GSK3A: variants seen among roughly 807,000 people sequenced by gnomAD.
GSK3A encodes the protein glycogen synthase kinase 3 alpha.
A neutral mutation model predicts 56.6 loss-of-function variants in GSK3A; 14 were observed. The ratio of observed to expected loss-of-function variants is 0.25; its 90% CI spans 0.16 to 0.39. The LOEUF is 0.39. Ranked by LOEUF, GSK3A falls within the 10% of genes least tolerant of loss-of-function variation. The probability of loss-of-function intolerance (pLI) is 1.00; values close to 1 mark genes in which losing one functional copy is unlikely to be tolerated. For missense variants in GSK3A, 450 were observed against 656.0 expected (o/e 0.69, Z 3.43); for synonymous variants, 301 against 285.0 (o/e 1.06, Z -0.56).
In GSK3A at chr19:42,234,213, G is replaced by C. The variant is rs149562301; in HGVS notation, c.904+140C>G. The C allele has an allele frequency of 4.4e-6, 3 of 674,830 alleles. No homozygotes were observed. Among genetic ancestry groups the C allele is most frequent in the Non-Finnish European group, 8.0e-6 (3 of 373,488 alleles). 41.8% of individuals were successfully genotyped at this position (674,830 alleles called of 1,614,324 possible). On this transcript the variant is annotated intron_variant, in intron 6 of 10. Coordinates refer to ENST00000222330, the MANE Select transcript of GSK3A (RefSeq NM_019884.3). The surrounding 1 kb of genome is among the most constrained non-coding windows in gnomAD (Gnocchi z 5.7). ...TCATCTGTAAAATTAGCATTCAACA[G>C]CATCAGCCTCCTAAGTTTGTGAGGA...
At chr19:42,242,095 T>C (rs1599814553) in intron 1 of GSK3A, 88 bp downstream of exon 1, 1 of 1,175,998 alleles carries the variant, frequency 8.5e-7, no homozygotes, top group Non-Finnish European at 1.1e-6. Context: ...CTCGAGCTCC[T>C]ATCTAAGCAC....
chr19:42,242,088 G>A (rs1433623019), intron 1 of GSK3A, 95 bp downstream of exon 1: 1 of 1,118,440 alleles, frequency 8.9e-7, no homozygotes, highest in Non-Finnish European at 1.1e-6. Flanking sequence ...CAGTGACCTC[G>A]AGCTCCTATC....
In GSK3A at chr19:42,234,311, C is replaced by T. The variant is rs369723953; in HGVS notation, c.904+42G>A. ...CAGCACACAGAAAACTCCAAAACTT[C>T]CCAGATTGCCACTCCCCCCGCCACC... On this transcript the variant is annotated intron_variant, in intron 6 of 10. Transcript: ENST00000222330. This position sits in a 1 kb window ranked among gnomAD's most constrained non-coding sequence, Gnocchi z 5.7. 3.1e-5 allele frequency: 45 copies of T among 1,461,650 alleles called. No homozygotes were observed. In the African/African-American group the frequency reaches 4.4e-4, roughly 14 times the overall value. 90.5% of individuals were successfully genotyped at this position (1,461,650 alleles called of 1,614,324 possible).
At position 42,234,520 on chromosome 19, in the gene GSK3A, T is replaced by G; in HGVS notation, c.797+28A>C. The G allele has an allele frequency of 6.2e-7, 1 of 1,612,392 alleles. No homozygotes were observed. Among genetic ancestry groups the G allele is most frequent in the Non-Finnish European group, 8.5e-7 (1 of 1,178,534 alleles). On this transcript the variant is annotated intron_variant, in intron 5 of 10. Coordinates refer to ENST00000222330, the MANE Select transcript of GSK3A (RefSeq NM_019884.3). The surrounding 1 kb of genome is among the most constrained non-coding windows in gnomAD (Gnocchi z 5.7). Reference sequence around the variant, plus strand: ...AAGGGTTGGGGTCCCCCCTGCCTCTTCAGCCACCCAACATGCCCCAGGCCC... The same window carrying G: ...AAGGGTTGGGGTCCCCCCTGCCTCTGCAGCCACCCAACATGCCCCAGGCCC...
In GSK3A at chr19:42,234,668, T is replaced by C; in HGVS notation, c.677A>G (p.Tyr226Cys). ...GTAGGCCAAGCTGCGGAAGAGCTGG[T>C]ACATGTACACCTGCGGCGGGCACAG... ...IPILYVKVYMYQLFRSLAYIH... is the reference protein window; with the variant it reads ...IPILYVKVYMCQLFRSLAYIH... Residue 226 changes from tyrosine to cysteine, a missense_variant, in exon 5 of 11, where the codon TAC becomes TGC. Transcript: ENST00000222330. The surrounding 1 kb of genome is among the most constrained non-coding windows in gnomAD (Gnocchi z 5.7). 6.2e-7 allele frequency: 1 copy of C among 1,604,526 alleles called. No homozygotes were observed.
In GSK3A at chr19:42,230,937, T is replaced by C. The variant is rs1460483678; in HGVS notation, c.1379-70A>G. On this transcript the variant is annotated intron_variant, in intron 10 of 10. Transcript: ENST00000222330. ...GACACCCCTTCGCCCAACCCAAAAG[T>C]AGGAATTCTCTTGTCATAGATGCTA... 5 of 991,788 alleles carry C rather than the reference T, an allele frequency of 5.0e-6. No individual in the cohort carries two copies. The African/African-American group carries it at 6.4e-5, about 13-fold the overall frequency. The allele number at this position is 991,788 out of a possible 1,614,324, so 61.4% of individuals were successfully genotyped here.
In GSK3A at chr19:42,230,652, T is replaced by G; in HGVS notation, c.*142A>C. On this transcript the variant is annotated 3_prime_UTR_variant, in exon 11 of 11. Transcript: ENST00000222330. ...GGGGTGAGGCTGGTGAGGGAGGGAC[T>G]GGAGGTGGGGACAGGGACTCATTTA... The G allele has an allele frequency of 6.0e-6, 4 of 665,110 alleles. No homozygotes were observed. Among genetic ancestry groups the G allele is most frequent in the Non-Finnish European group, 5.5e-6 (2 of 362,836 alleles). The allele number at this position is 665,110 out of a possible 1,614,324, so 41.2% of individuals were successfully genotyped here. A position where few individuals can be genotyped will look rare whatever the true frequency, so the allele number is the denominator to read the frequency against.
chr19:42,234,241 G>T lies in GSK3A; in HGVS notation c.904+112C>A. 1 of 787,288 alleles carries T rather than the reference G, an allele frequency of 1.3e-6. No individual in the cohort carries two copies. Among genetic ancestry groups the T allele is most frequent in the East Asian group, 2.5e-5 (1 of 39,878 alleles). 48.8% of individuals were successfully genotyped at this position (787,288 alleles called of 1,614,324 possible). On this transcript the variant is annotated intron_variant, in intron 6 of 10. Coordinates refer to ENST00000222330, the MANE Select transcript of GSK3A (RefSeq NM_019884.3). This position sits in a 1 kb window ranked among gnomAD's most constrained non-coding sequence, Gnocchi z 5.7. ...TCAGCCTCCTAAGTTTGTGAGGACT[G>T]GATACAAGAACAGAAGTTAAGCTTT...
chr19:42,231,719 G>C (rs1466382583), intron 10 of GSK3A, among the ~76,000 whole-genome samples: 8 of 151,090 alleles, frequency 5.3e-5, no homozygotes, highest in Admixed American at 1.3e-4. Flanking sequence ...ATTGCAGTGA[G>C]CCGAGATCGA....
At chr19:42,233,798 C>T (rs1056229393) in intron 6 of GSK3A, among the ~76,000 whole-genome samples, 1 of 152,154 alleles carries the variant, frequency 6.6e-6, no homozygotes, top group Non-Finnish European at 1.5e-5. Context: ...GGCAGTCTCA[C>T]CCCTCCCTGC....
intron 2 of GSK3A, 48 bp from the exon 3 acceptor site, chr19:42,236,989 G>A: frequency 7.7e-7 from 1 of 1,291,986 alleles, no homozygotes; most frequent in East Asian, 2.3e-5. Flanking sequence ...TCTCTCGGCT[G>A]CTCCTCCCTA....
rs769579300 is a variant in GSK3A, at chr19:42,234,760, C to T, written c.667-82G>A. ...TACCCCACCAGCTTGGCCTGAAGAG[C>T]CCTTCCAGGCCCACTCTCCCTGCTG... On this transcript the variant is annotated intron_variant, in intron 4 of 10. Coordinates refer to ENST00000222330, the MANE Select transcript of GSK3A (RefSeq NM_019884.3). This position sits in a 1 kb window ranked among gnomAD's most constrained non-coding sequence, Gnocchi z 5.7. The T allele has an allele frequency of 1.1e-4, 152 of 1,360,604 alleles. No homozygotes were observed. The highest frequency in any genetic ancestry group is 1.5e-4 in the Non-Finnish European group (149 of 1,023,952). 84.3% of individuals were successfully genotyped at this position (1,360,604 alleles called of 1,614,324 possible). A position where few individuals can be genotyped will look rare whatever the true frequency, so the allele number is the denominator to read the frequency against.
intron 9 of GSK3A, 37 bp from the exon 10 acceptor site, chr19:42,232,186 T>G: frequency 7.6e-7 from 1 of 1,311,660 alleles, no homozygotes; most frequent in Non-Finnish European, 1.1e-6. Flanking sequence ...CAGGGTAGAC[T>G]ACAGCAGGGT....
rs2146941249 is a variant in GSK3A, at chr19:42,242,287, A to G, written c.179T>C (p.Val60Ala). 2 of 1,436,604 alleles carry G rather than the reference A, an allele frequency of 1.4e-6. No individual in the cohort carries two copies. The highest frequency in any genetic ancestry group is 5.5e-5 in the Admixed American group (2 of 36,118). 89.0% of individuals were successfully genotyped at this position (1,436,604 alleles called of 1,614,324 possible). The part of the protein sequence containing the change: ...KASVGAMGGG[V>A]GASSSGGGPG... ...TCCACCCCCGGAGCTCGAGGCCCCGACGCCCCCACCCATGGCCCCGACAGA... is the reference window on the plus strand; with the variant it reads ...TCCACCCCCGGAGCTCGAGGCCCCGGCGCCCCCACCCATGGCCCCGACAGA... Residue 60 changes from valine (V) to alanine (A), a missense_variant, in exon 1 of 11, where the codon GTC becomes GCC. This residue lies in a region of GSK3A where 193 missense variants were observed against 200.5 expected (regional missense o/e 0.96). Transcript: ENST00000222330.
Position 42,232,166 on chromosome 19 carries a change from A to T in GSK3A, c.1286-17T>A. On this transcript the variant is annotated splice_polypyrimidine_tract_variant and intron_variant, in intron 9 of 10. Coordinates refer to ENST00000222330, the MANE Select transcript of GSK3A (RefSeq NM_019884.3). Reference sequence around the variant, plus strand: ...TGGAGAGTTCTAGAAACAGGAATTGACATGCTAGTCAGGGTAGACTACAGC... The same window carrying T: ...TGGAGAGTTCTAGAAACAGGAATTGTCATGCTAGTCAGGGTAGACTACAGC... 2.0e-6 allele frequency: 3 copies of T among 1,475,206 alleles called. No individual in the cohort carries two copies. Among genetic ancestry groups the T allele is most frequent in the Non-Finnish European group, 2.8e-6 (3 of 1,055,734 alleles). 91.4% of individuals were successfully genotyped at this position (1,475,206 alleles called of 1,614,324 possible). A position where few individuals can be genotyped will look rare whatever the true frequency, so the allele number is the denominator to read the frequency against.
At position 42,234,495 on chromosome 19, in the gene GSK3A, A is replaced by C. The variant is rs905036035; in HGVS notation, c.798-36T>G. On this transcript the variant is annotated intron_variant, in intron 5 of 10. Coordinates refer to ENST00000222330, the MANE Select transcript of GSK3A (RefSeq NM_019884.3). This position sits in a 1 kb window ranked among gnomAD's most constrained non-coding sequence, Gnocchi z 5.7. ...AGATGGGCAGGGGTACACGTGAGGC[A>C]AGGGTTGGGGTCCCCCCTGCCTCTT... 6.2e-7 allele frequency: 1 copy of C among 1,613,402 alleles called. No individual in the cohort carries two copies. Among genetic ancestry groups the C allele is most frequent in the Non-Finnish European group, 8.5e-7 (1 of 1,179,482 alleles).
Position 42,234,723 on chromosome 19 carries a change from AT to A in GSK3A, c.667-46del. On this transcript the variant is annotated intron_variant, in intron 4 of 10. Transcript: ENST00000222330. The surrounding 1 kb of genome is among the most constrained non-coding windows in gnomAD (Gnocchi z 5.7). Reference sequence around the variant, plus strand: ...GCAGAACTTTAGCCCAGCTTTCCCCATACAGCACCACTACCCCACCAGCTTG... The same window carrying A: ...GCAGAACTTTAGCCCAGCTTTCCCCAACAGCACCACTACCCCACCAGCTTG... 6.7e-7 allele frequency: 1 copy of A among 1,496,822 alleles called. No homozygotes were observed. Among genetic ancestry groups the A allele is most frequent in the South Asian group, 1.3e-5 (1 of 76,388 alleles). The allele number at this position is 1,496,822 out of a possible 1,614,324, so 92.7% of individuals were successfully genotyped here.
At chr19:42,230,981 G>T in intron 10 of GSK3A, 114 bp from the exon 11 acceptor site, 1 of 753,580 alleles carries the variant, frequency 1.3e-6, no homozygotes. Flanking sequence ...GTTACAAGCT[G>T]TTACTTTAGG....
chr19:42,241,462 CAT>C (rs2036291530), intron 1 of GSK3A: 1 of 152,166 alleles, frequency 6.6e-6, no homozygotes, highest in Non-Finnish European at 1.5e-5. Context: ...TGCTCCATTC[CAT>C]TTTTGTTAAA....
Sources: gnomAD v4.1 joint callset for allele counts (sites outside exome capture counted in the v4.1 genomes callset) on GRCh38, gnomAD v4.1.1 for gene constraint, gnomAD v4.1.1 regional missense constraint, Gnocchi (gnomAD v3.1) non-coding constraint, MANE v1.5 for transcripts, NCBI Gene and HGNC (gene_info 2026-07-23, HGNC 2026-07-21) for gene names.